The following SCAPER variants were observed in gnomAD, a reference collection of about 807,000 sequenced individuals.
SCAPER encodes S-phase cyclin A associated protein in the ER, also known as S phase cyclin A-associated protein in the endoplasmic reticulum.
SCAPER carries 98 observed loss-of-function variants against 182.2 expected under a neutral mutation model. The observed-to-expected ratio is 0.54, with a 90% CI of 0.46 to 0.64. SCAPER has a LOEUF of 0.64. Ranked by LOEUF, SCAPER falls within the 30% of genes least tolerant of loss-of-function variation. SCAPER has a pLI of 0.00. For synonymous variants in SCAPER, 605 were observed against 564.6 expected (o/e 1.07, Z -1.01); for missense variants, 1,432 against 1,690.0 (o/e 0.85, Z 2.68).
chr15:76,663,356 C>T (rs911413962), intron 21 of SCAPER, among the ~76,000 whole-genome samples: 2 of 152,058 alleles, frequency 1.3e-5, no homozygotes, highest in Admixed American at 6.6e-5. Context: ...GGCACAACTA[C>T]TATGGAAAAC....
At chr15:76,383,098 G>A (rs1043494335) in intron 27 of SCAPER, among the ~76,000 whole-genome samples, 28 of 27,784 alleles carry the variant, frequency 1.0e-3, no homozygotes, top group Middle Eastern at 0.018. Context: ...GTGTGTGTGT[G>A]TGTAAATACA....
intron 11 of SCAPER, among the ~76,000 whole-genome samples, chr15:76,765,983 T>C (rs2063088282): frequency 6.6e-6 from 1 of 152,204 alleles, no homozygotes; most frequent in African/African-American, 2.4e-5. Context: ...TAAACCAATA[T>C]GTAAAACATT....
intron 17 of SCAPER, among the ~76,000 whole-genome samples, chr15:76,708,822 T>C (rs1012058078): frequency 2.0e-5 from 3 of 152,112 alleles, no homozygotes; most frequent in Non-Finnish European, 4.4e-5. Context: ...TCCCAGCACT[T>C]TGGGAGGCCA....
intron 2 of SCAPER, among the ~76,000 whole-genome samples, chr15:76,869,132 T>C (rs1311625504): frequency 2.0e-5 from 3 of 152,140 alleles, no homozygotes; most frequent in Admixed American, 6.5e-5. Context: ...GATTAAAAAC[T>C]TCAAAGTAAG....
chr15:76,676,869 C>T (rs748424741), intron 20 of SCAPER, among the ~76,000 whole-genome samples: 2 of 150,304 alleles, frequency 1.3e-5, no homozygotes, highest in Non-Finnish European at 3.0e-5. Flanking sequence ...CAATTTTCTA[C>T]AATAAATATA....
chr15:76,721,767 C>A (rs1598367291), intron 17 of SCAPER, among the ~76,000 whole-genome samples: 1 of 152,180 alleles, frequency 6.6e-6, no homozygotes, highest in Admixed American at 6.5e-5. Flanking sequence ...GATTTTTGTA[C>A]ACTGATTTTG....
At chr15:76,441,380 T>C (rs552651140) in intron 25 of SCAPER, among the ~76,000 whole-genome samples, 5 of 152,338 alleles carry the variant, frequency 3.3e-5, no homozygotes, top group African/African-American at 1.2e-4. Flanking sequence ...GCAAACTTTA[T>C]AGTGTATGCC....
chr15:76,595,403 A>G (rs2049421080), intron 22 of SCAPER, among the ~76,000 whole-genome samples: 1 of 121,658 alleles, frequency 8.2e-6, no homozygotes, highest in African/African-American at 2.5e-5. Context: ...TAGACAGATC[A>G]ACGAGGCAGA....
At chr15:76,876,053 C>T (rs111267678) in intron 2 of SCAPER, among the ~76,000 whole-genome samples, 1 of 152,208 alleles carries the variant, frequency 6.6e-6, no homozygotes, top group Admixed American at 6.5e-5. Context: ...CCAGCGCACC[C>T]TCCCAGCTGC....
chr15:76,711,853 G>A (rs1161806184), intron 17 of SCAPER, among the ~76,000 whole-genome samples: 1 of 152,072 alleles, frequency 6.6e-6, no homozygotes, highest in African/African-American at 2.4e-5. Flanking sequence ...TGTCAGATGA[G>A]TAGGTTGCAA....
At chr15:76,368,519 A>T (rs953129642) in intron 29 of SCAPER, among the ~76,000 whole-genome samples, 6 of 152,242 alleles carry the variant, frequency 3.9e-5, no homozygotes, top group Admixed American at 3.9e-4. Context: ...AGGCAGAACC[A>T]AGTTTCACGA....
chr15:76,572,913 T>TCACACACACACACACACA (rs1481190270), intron 23 of SCAPER, among the ~76,000 whole-genome samples: 3 of 119,380 alleles, frequency 2.5e-5, no homozygotes, highest in African/African-American at 1.1e-4. Context: ...TCTCTCTCTC[T>TCACACACACACACACACA]CTCTCTCACA....
At chr15:76,637,099 C>A (rs569905663) in intron 21 of SCAPER, among the ~76,000 whole-genome samples, 110 of 152,130 alleles carry the variant, frequency 7.2e-4, no homozygotes, top group African/African-American at 2.6e-3. Context: ...ACCACCACCA[C>A]CACCACCTAA....
At chr15:76,808,292 C>T (rs146990658) in intron 5 of SCAPER, among the ~76,000 whole-genome samples, 2 of 152,312 alleles carry the variant, frequency 1.3e-5, no homozygotes, top group African/African-American at 4.8e-5. Flanking sequence ...CCTCAAGGGG[C>T]TTATGGGTAC....
intron 25 of SCAPER, among the ~76,000 whole-genome samples, chr15:76,462,942 T>C (rs2049306566): frequency 6.6e-6 from 1 of 152,172 alleles, no homozygotes; most frequent in South Asian, 2.1e-4. Context: ...GCTGTAGAAC[T>C]TGGGCAAGTA....
chr15:76,667,458 T>C (rs549954948), intron 20 of SCAPER, among the ~76,000 whole-genome samples: 18 of 152,068 alleles, frequency 1.2e-4, no homozygotes, highest in African/African-American at 3.1e-4. Flanking sequence ...TACTCATACA[T>C]AGAAAATTCT....
intron 20 of SCAPER, among the ~76,000 whole-genome samples, chr15:76,683,032 C>T (rs372834846): frequency 3.3e-5 from 5 of 152,090 alleles, no homozygotes; most frequent in East Asian, 1.9e-4. Flanking sequence ...ATTAGTTCCC[C>T]GGGAATGGTT....
chr15:76,706,239 A>G (rs937012431), intron 17 of SCAPER, among the ~76,000 whole-genome samples: 6 of 152,212 alleles, frequency 3.9e-5, no homozygotes, highest in Non-Finnish European at 7.4e-5. Context: ...ACTGTCATTT[A>G]AATATGGCAT....
intron 21 of SCAPER, among the ~76,000 whole-genome samples, chr15:76,642,794 T>C (rs1368340257): frequency 6.6e-6 from 1 of 152,242 alleles, no homozygotes; most frequent in Non-Finnish European, 1.5e-5. Context: ...TGTATATGTT[T>C]GGACTTTTAG....
Sources: gnomAD v4.1 joint callset for allele counts (sites outside exome capture counted in the v4.1 genomes callset) on GRCh38, gnomAD v4.1.1 for gene constraint, MANE v1.5 for transcripts, NCBI Gene and HGNC (gene_info 2026-07-23, HGNC 2026-07-21) for gene names.